OLA1: variants seen among roughly 807,000 people sequenced by gnomAD.
OLA1 encodes Obg like ATPase 1.
A neutral mutation model predicts 48.4 loss-of-function variants in OLA1; 14 were observed. That is an observed-to-expected ratio of 0.29 (90% CI 0.19 to 0.45). The LOEUF (loss-of-function observed/expected upper bound fraction) is 0.45, where lower values mean the gene tolerates loss of function less well. Among genes scored for constraint, OLA1 ranks in the 20% least tolerant of loss-of-function variants. The pLI is 1.00. For synonymous variants in OLA1, 127 were observed against 150.4 expected, an observed-to-expected ratio of 0.84 and a Z score of 1.14; for missense variants, 325 against 467.1, an observed-to-expected ratio of 0.70 and a Z score of 2.80.
intron 5 of OLA1, among the ~76,000 whole-genome samples, chr2:174,131,018 A>G (rs1686168559): frequency 6.6e-6 from 1 of 152,182 alleles, no homozygotes; most frequent in East Asian, 1.9e-4. Context: ...GAAAATAAAT[A>G]CATTCAGTAT....
At chr2:174,158,926 C>T (rs191167714) in intron 4 of OLA1, among the ~76,000 whole-genome samples, 22 of 152,274 alleles carry the variant, frequency 1.4e-4, no homozygotes, top group Non-Finnish European at 2.9e-4. Flanking sequence ...TCTAATCCCC[C>T]CACCATGGGA....
chr2:174,234,179 A>G (rs1559018660), intron 2 of OLA1, among the ~76,000 whole-genome samples: 1 of 152,072 alleles, frequency 6.6e-6, no homozygotes, highest in Non-Finnish European at 1.5e-5. Context: ...ATGATGATCC[A>G]CTTTCACTTA....
At position 174,243,540 on chromosome 2, in the gene OLA1, C is replaced by T. The variant is rs553820326; in HGVS notation, c.101+3175G>A. Among the ~76,000 whole-genome samples, 15 of 152,270 alleles carry T rather than the reference C, an allele frequency of 9.9e-5. No homozygotes were observed. The South Asian group carries it at 2.1e-3, about 21-fold the overall frequency. ...ATATCTACTATGTTCCTAACACCAT[C>T]GTGTCCCGTTAACAAATAATTACTA... On this transcript the variant is annotated intron_variant, in intron 2 of 10. Transcript: ENST00000284719.
intron 2 of OLA1, among the ~76,000 whole-genome samples, chr2:174,229,911 T>C (rs1258213089): frequency 6.6e-6 from 1 of 152,160 alleles, no homozygotes; most frequent in Non-Finnish European, 1.5e-5. Context: ...TGGTATCTGA[T>C]AGGAAATGGG....
chr2:174,142,080 AG>A, intron 4 of OLA1, 80 bp from the exon 5 acceptor site: 1 of 1,207,094 alleles, frequency 8.3e-7, no homozygotes, highest in South Asian at 1.4e-5. Flanking sequence ...GATTCCTAGA[AG>A]GTTAACAAAT....
chr2:174,210,736 G>C (rs1321097904), intron 4 of OLA1, among the ~76,000 whole-genome samples: 1 of 152,124 alleles, frequency 6.6e-6, no homozygotes, highest in African/African-American at 2.4e-5. Context: ...AACTAGCATA[G>C]GTTTTCCTTT....
chr2:174,241,482 T>C (rs1335325386), intron 2 of OLA1, among the ~76,000 whole-genome samples: 1 of 152,142 alleles, frequency 6.6e-6, no homozygotes, highest in Non-Finnish European at 1.5e-5. Flanking sequence ...TCTGCAGAAA[T>C]TTGGGAGAAG....
intron 7 of OLA1, among the ~76,000 whole-genome samples, chr2:174,099,660 TTACC>T (rs1472270483): frequency 1.3e-5 from 2 of 152,218 alleles, no homozygotes; most frequent in Non-Finnish European, 2.9e-5. Context: ...GCCTTTATGT[TTACC>T]TACTGTTTAC....
intron 4 of OLA1, among the ~76,000 whole-genome samples, chr2:174,146,090 A>G (rs1686591295): frequency 6.6e-6 from 1 of 152,224 alleles, no homozygotes; most frequent in Non-Finnish European, 1.5e-5. Context: ...TAAAAATAGC[A>G]ATAAATTTGA....
intron 7 of OLA1, among the ~76,000 whole-genome samples, chr2:174,084,894 T>C (rs987733908): frequency 6.6e-6 from 1 of 152,154 alleles, no homozygotes; most frequent in East Asian, 1.9e-4. Context: ...AAAATAATAA[T>C]GATATTGTCA....
intron 4 of OLA1, among the ~76,000 whole-genome samples, chr2:174,161,715 CAT>C (rs1395554869): frequency 8.3e-5 from 11 of 132,922 alleles, no homozygotes; most frequent in Middle Eastern, 3.8e-3. Context: ...CACACACACA[CAT>C]AGATAGATAG....
At chr2:174,197,112 G>A (rs1286894860) in intron 4 of OLA1, among the ~76,000 whole-genome samples, 2 of 152,162 alleles carry the variant, frequency 1.3e-5, no homozygotes, top group African/African-American at 4.8e-5. Flanking sequence ...AAGACCTTGT[G>A]CAGTAAGATA....
At chr2:174,099,755 C>T (rs1685348348) in intron 7 of OLA1, among the ~76,000 whole-genome samples, 1 of 152,126 alleles carries the variant, frequency 6.6e-6, no homozygotes, top group African/African-American at 2.4e-5. Flanking sequence ...AGTGGTTTCT[C>T]ATACTTTAAG....
At chr2:174,237,428 A>G (rs1444363206) in intron 2 of OLA1, among the ~76,000 whole-genome samples, 1 of 152,130 alleles carries the variant, frequency 6.6e-6, no homozygotes, top group Admixed American at 6.5e-5. Context: ...TTATAAGTAG[A>G]AAGAGTACAC....
intron 9 of OLA1, chr2:174,079,470 AAT>A (rs1484953468): frequency 6.5e-6 from 1 of 154,764 alleles, no homozygotes; most frequent in Non-Finnish European, 1.4e-5. Context: ...AAGCTCTCAA[AAT>A]TTCAGCTCAT....
At chr2:174,193,221 C>T (rs932694603) in intron 4 of OLA1, among the ~76,000 whole-genome samples, 3 of 151,866 alleles carry the variant, frequency 2.0e-5, no homozygotes, top group Non-Finnish European at 2.9e-5. Flanking sequence ...TCCCGAGTAG[C>T]TGGGATTATA....
intron 4 of OLA1, among the ~76,000 whole-genome samples, chr2:174,194,488 G>T (rs1041104741): frequency 2.0e-5 from 3 of 151,954 alleles, no homozygotes; most frequent in African/African-American, 7.3e-5. Context: ...TCATTGCGAG[G>T]GTGGGAGTGA....
intron 7 of OLA1, among the ~76,000 whole-genome samples, chr2:174,095,670 G>A (rs1241570908): frequency 2.0e-5 from 3 of 152,030 alleles, no homozygotes; most frequent in African/African-American, 7.2e-5. Flanking sequence ...ATGGACCAAA[G>A]ATCTAAATGT....
chr2:174,120,375 T>C (rs1229996388), intron 7 of OLA1, among the ~76,000 whole-genome samples: 1 of 152,166 alleles, frequency 6.6e-6, no homozygotes, highest in African/African-American at 2.4e-5. Context: ...AAACCTCAAG[T>C]GTTCAAAAAT....
Sources: gnomAD v4.1 joint callset for allele counts (sites outside exome capture counted in the v4.1 genomes callset) on GRCh38, gnomAD v4.1.1 for gene constraint, MANE v1.5 for transcripts, NCBI Gene and HGNC (gene_info 2026-07-23, HGNC 2026-07-21) for gene names.